The following DPP6 variants were observed in gnomAD, a reference collection of about 807,000 sequenced individuals.
DPP6 encodes the protein A-type potassium channel modulatory protein DPP6.
In DPP6, 69 loss-of-function variants were observed where a neutral mutation model predicts 122.6. The ratio of observed to expected loss-of-function variants is 0.56; its 90% confidence interval spans 0.46 to 0.69. The LOEUF is 0.69. Ranked by LOEUF, DPP6 falls within the 30% of genes least tolerant of loss-of-function variation. The probability of loss-of-function intolerance (pLI) is 0.00; values close to 1 mark genes in which losing one functional copy is unlikely to be tolerated. For synonymous variants in DPP6, 418 were observed against 433.1 expected (o/e 0.97, Z 0.43); for missense variants, 928 against 1,116.9 (o/e 0.83, Z 2.41).
intron 1 of DPP6, among the ~76,000 whole-genome samples, chr7:154,164,855 T>C (rs1210606729): frequency 6.6e-6 from 1 of 152,222 alleles, no homozygotes; most frequent in Admixed American, 6.5e-5. Context: ...TGTTCATCCA[T>C]CCATCAGTTG....
chr7:154,888,238 G>A lies in DPP6; in HGVS notation c.2304+504G>A, dbSNP rs142277262. ...CAAGTAGCTTGGATTACAGGCACAC[G>A]CTGCCACGCCCAGCTAATTTTTGTA... is the stretch of plus-strand genomic sequence containing the variant. On this transcript the variant is annotated intron_variant, in intron 23 of 25. Transcript: ENST00000377770. 3.7e-4 allele frequency among the ~76,000 whole-genome samples: 56 copies of A among 152,092 alleles called. No homozygotes were observed. The East Asian group carries it at 9.1e-3, about 25-fold the overall frequency.
chr7:153,773,324 A>ATT, the DPP6 span, among the ~76,000 whole-genome samples: 10 of 39,354 alleles, frequency 2.5e-4, no homozygotes, highest in Admixed American at 1.3e-3. Flanking sequence ...ATATATATAT[A>ATT]TATATATTTT....
chr7:154,774,769 G>A (rs562519257), intron 10 of DPP6, among the ~76,000 whole-genome samples: 1 of 152,320 alleles, frequency 6.6e-6, no homozygotes, highest in African/African-American at 2.4e-5. Context: ...ATTTGCCTGA[G>A]CACTGGGAAT....
chr7:154,278,941 G>A (rs954887328), intron 1 of DPP6, among the ~76,000 whole-genome samples: 2 of 151,766 alleles, frequency 1.3e-5, no homozygotes, highest in East Asian at 3.9e-4. Context: ...ATGTGTGTTT[G>A]TTGTGTGGTA....
chr7:154,482,034 C>T (rs147845876), intron 3 of DPP6, among the ~76,000 whole-genome samples: 3 of 152,318 alleles, frequency 2.0e-5, no homozygotes, highest in East Asian at 3.9e-4. Context: ...GATAAGGAAA[C>T]TTACAAGCAT....
intron 8 of DPP6, among the ~76,000 whole-genome samples, chr7:154,729,352 T>C (rs1842224162): frequency 6.6e-6 from 1 of 152,198 alleles, no homozygotes; most frequent in African/African-American, 2.4e-5. Context: ...TTCTGCATTT[T>C]AGTGGCTTTA....
intron 1 of DPP6, among the ~76,000 whole-genome samples, chr7:154,023,318 G>GCACGCACACGCACACACACACACACACA (rs373378162): frequency 7.7e-6 from 1 of 129,528 alleles, no homozygotes; most frequent in African/African-American, 3.2e-5. Context: ...TTTCTTGTCT[G>GCACGCACACGCACACACACACACACACA]CACACACACA....
chr7:153,892,640 TAG>T (rs1412260931), intron 1 of DPP6, among the ~76,000 whole-genome samples: 47 of 152,312 alleles, frequency 3.1e-4, no homozygotes, highest in African/African-American at 1.1e-3. Context: ...ACAGCATTTC[TAG>T]GAGTGTGGCC....
intron 1 of DPP6, among the ~76,000 whole-genome samples, chr7:154,349,425 C>T (rs1009194936): frequency 6.6e-6 from 1 of 152,226 alleles, no homozygotes; most frequent in Admixed American, 6.5e-5. Context: ...ATCCACCTGC[C>T]TTGGCCTCCC....
chr7:154,661,912 A>C (rs1371864034), intron 6 of DPP6, among the ~76,000 whole-genome samples: 1 of 151,484 alleles, frequency 6.6e-6, no homozygotes, highest in African/African-American at 2.4e-5. Flanking sequence ...GTGTTCACGC[A>C]GTCATGGTGA....
intron 1 of DPP6, among the ~76,000 whole-genome samples, chr7:154,343,754 T>A (rs559207035): frequency 6.6e-6 from 1 of 152,274 alleles, no homozygotes; most frequent in Non-Finnish European, 1.5e-5. Flanking sequence ...CTAATTTTTG[T>A]ATTATTAGTA....
chr7:154,685,537 G>T (rs1411497903), intron 7 of DPP6, among the ~76,000 whole-genome samples: 2 of 152,140 alleles, frequency 1.3e-5, no homozygotes, highest in Admixed American at 6.5e-5. Flanking sequence ...AGGCGGGACT[G>T]GGACTGGATG....
chr7:154,652,530 A>T (rs1836943771), intron 6 of DPP6, among the ~76,000 whole-genome samples: 1 of 151,928 alleles, frequency 6.6e-6, no homozygotes, highest in Non-Finnish European at 1.5e-5. Context: ...TTTATCAGGG[A>T]CCACAGTGAC....
At chr7:154,176,728 T>C (rs1797820100) in intron 1 of DPP6, among the ~76,000 whole-genome samples, 1 of 152,212 alleles carries the variant, frequency 6.6e-6, no homozygotes, top group Non-Finnish European at 1.5e-5. Context: ...TGCCTTGCCT[T>C]ATGGCGACCC....
chr7:154,813,945 A>G (rs1439615525), intron 16 of DPP6, among the ~76,000 whole-genome samples: 1 of 142,138 alleles, frequency 7.0e-6, no homozygotes, highest in Non-Finnish European at 1.5e-5. Flanking sequence ...CAATGACACA[A>G]TCTGGGCTCA....
At chr7:154,677,007 A>G (rs1838954949) in intron 7 of DPP6, among the ~76,000 whole-genome samples, 1 of 152,248 alleles carries the variant, frequency 6.6e-6, no homozygotes, top group African/African-American at 2.4e-5. Flanking sequence ...GTTTCTTGGG[A>G]CAGACAGTTA....
intron 5 of DPP6, among the ~76,000 whole-genome samples, chr7:154,594,900 G>T (rs1039933437): frequency 2.6e-5 from 4 of 152,168 alleles, no homozygotes; most frequent in Middle Eastern, 3.2e-3. Flanking sequence ...ACAATGCCGG[G>T]CGGATTGTTC....
the DPP6 span, among the ~76,000 whole-genome samples, chr7:153,878,096 A>G: frequency 6.6e-6 from 1 of 152,236 alleles, no homozygotes; most frequent in South Asian, 2.1e-4. Flanking sequence ...AAAGTGAAAT[A>G]AAACAAAATA....
chr7:154,118,187 G>A (rs1443012189), intron 1 of DPP6, among the ~76,000 whole-genome samples: 2 of 150,778 alleles, frequency 1.3e-5, no homozygotes, highest in Non-Finnish European at 2.9e-5. Context: ...CTAGAGGCAG[G>A]GCACATTCAG....
Sources: allele counts gnomAD v4.1 joint callset (sites outside exome capture counted in the v4.1 genomes callset), GRCh38; gene constraint gnomAD v4.1.1; transcripts MANE v1.5; gene names NCBI Gene and HGNC (gene_info 2026-07-23, HGNC 2026-07-21).